Variants in C4BPA observed in about 807,000 individuals in gnomAD.
C4BPA encodes C4b-binding protein alpha chain.
A neutral mutation model predicts 63.7 loss-of-function variants in C4BPA; 31 were observed. The observed-to-expected ratio is 0.49, with a 90% CI of 0.37 to 0.66. C4BPA has a LOEUF of 0.66. C4BPA is among the 30% of genes least tolerant of loss of function. C4BPA has a pLI of 0.00. For synonymous variants in C4BPA, 259 were observed against 254.7 expected (o/e 1.02, Z -0.16); for missense variants, 572 against 723.3 (o/e 0.79, Z 2.40).
At chr1:207,114,476 A>T (rs1684739878) in intron 3 of C4BPA, among the ~76,000 whole-genome samples, 191 bp downstream of exon 3, 1 of 149,460 alleles carries the variant, frequency 6.7e-6, no homozygotes, top group Non-Finnish European at 1.5e-5. Flanking sequence ...ATTGAAAAAT[A>T]ACTCTGTTCT....
At chr1:207,133,844 T>C (rs1291267035) in intron 8 of C4BPA, among the ~76,000 whole-genome samples, 1 of 152,200 alleles carries the variant, frequency 6.6e-6, no homozygotes, top group Non-Finnish European at 1.5e-5. Flanking sequence ...TTCGTATGCT[T>C]TAGCTCTTAG....
chr1:207,131,636 T>C lies in C4BPA; in HGVS notation c.980T>C (p.Val327Ala), dbSNP rs1159213400. ...GAGGATGTGTATGTTGTTGGGACTG[T>C]GTTAAGGTACCGCTGTCATCCTGGC... ...TKEDVYVVGT[V>A]LRYRCHPGYK... The change falls in exon 8 of 12, where the codon GTG becomes GCG. Residue 327 changes from valine (V) to alanine (A), a missense_variant. Physicochemically the swap from Val to Ala is moderately conservative, Grantham distance 64 (BLOSUM62 0). Coordinates refer to ENST00000367070, the MANE Select transcript of C4BPA (RefSeq NM_000715.4). The C allele has an allele frequency of 6.2e-7, 1 of 1,613,598 alleles. No homozygotes were observed. Among genetic ancestry groups the C allele is most frequent in the Non-Finnish European group, 8.5e-7 (1 of 1,179,542 alleles).
At chr1:207,136,445 G>C (rs1159766482) in intron 9 of C4BPA, among the ~76,000 whole-genome samples, 1 of 152,118 alleles carries the variant, frequency 6.6e-6, no homozygotes, top group Non-Finnish European at 1.5e-5. Flanking sequence ...TCCTACCCCA[G>C]ATCTCTTTGT....
At chr1:207,134,103 C>T (rs1288514821) in intron 8 of C4BPA, among the ~76,000 whole-genome samples, 2 of 152,192 alleles carry the variant, frequency 1.3e-5, no homozygotes, top group Non-Finnish European at 2.9e-5. Context: ...CCATTTTGAA[C>T]TCCCAAAGCA....
At chr1:207,104,936 A>G (rs1233227795) in intron 1 of C4BPA, among the ~76,000 whole-genome samples, 1 of 152,212 alleles carries the variant, frequency 6.6e-6, no homozygotes, top group Non-Finnish European at 1.5e-5. Flanking sequence ...TAAGGAGGAC[A>G]CTGGCCAGCC....
intron 9 of C4BPA, among the ~76,000 whole-genome samples, chr1:207,138,520 A>C (rs1241320490): frequency 6.6e-6 from 1 of 152,102 alleles, no homozygotes; most frequent in African/African-American, 2.4e-5. Context: ...TCAGGATCTC[A>C]AGGATCTATG....
intron 9 of C4BPA, among the ~76,000 whole-genome samples, chr1:207,140,167 C>A (rs1171526431): frequency 3.9e-5 from 6 of 152,170 alleles, no homozygotes; most frequent in Non-Finnish European, 7.4e-5. Flanking sequence ...TCATTAATGA[C>A]CTTTTTTGTC....
chr1:207,132,498 T>C (rs1685182365), intron 8 of C4BPA, among the ~76,000 whole-genome samples: 1 of 152,218 alleles, frequency 6.6e-6, no homozygotes, highest in African/African-American at 2.4e-5. Flanking sequence ...TTCAACAATC[T>C]GTGAAATGCA....
At chr1:207,121,971 A>G (rs768586880) in intron 4 of C4BPA, among the ~76,000 whole-genome samples, 2 of 152,138 alleles carry the variant, frequency 1.3e-5, no homozygotes, top group Non-Finnish European at 2.9e-5. Flanking sequence ...TTTGCAAATG[A>G]TCAGGCAATA....
chr1:207,140,244 T>C (rs748437866), intron 9 of C4BPA, among the ~76,000 whole-genome samples: 2 of 152,232 alleles, frequency 1.3e-5, no homozygotes, highest in East Asian at 1.9e-4. Context: ...TGGTAAATAT[T>C]GTTCCCTCTA....
intron 9 of C4BPA, 40 bp downstream of exon 9, chr1:207,134,632 C>T: frequency 7.1e-7 from 1 of 1,409,856 alleles, no homozygotes; most frequent in Non-Finnish European, 9.9e-7. Context: ...GGAGTTTCTT[C>T]ATATCAGTGT....
intron 9 of C4BPA, among the ~76,000 whole-genome samples, chr1:207,137,970 G>T (rs1165699697): frequency 6.6e-6 from 1 of 152,140 alleles, no homozygotes; most frequent in African/African-American, 2.4e-5. Flanking sequence ...TGTTGGAGGG[G>T]TATAATGGGG....
intron 9 of C4BPA, among the ~76,000 whole-genome samples, chr1:207,139,486 T>C (rs1032515643): frequency 6.6e-6 from 1 of 152,100 alleles, no homozygotes; most frequent in African/African-American, 2.4e-5. Flanking sequence ...GTGAGATGGG[T>C]GGACAGTAGC....
At chr1:207,111,727 A>G (rs998617813) in intron 1 of C4BPA, among the ~76,000 whole-genome samples, 9 of 152,164 alleles carry the variant, frequency 5.9e-5, no homozygotes, top group African/African-American at 2.2e-4. Flanking sequence ...TGGGACTGAA[A>G]CATCTTGGGG....
At chr1:207,129,389 G>T (rs1242526890) in intron 7 of C4BPA, among the ~76,000 whole-genome samples, 1 of 139,330 alleles carries the variant, frequency 7.2e-6, no homozygotes, top group Non-Finnish European at 1.5e-5. Context: ...AGGAAAAATG[G>T]CTGAAAATAT....
At position 207,126,995 on chromosome 1, in the gene C4BPA, C is replaced by A; in HGVS notation, c.889+100C>A. On this transcript the variant is annotated intron_variant, in intron 7 of 11. Transcript: ENST00000367070. ...GCATGCATAGGCCTACTATGAATTA[C>A]AGTAAAAATTTACATCTAGATCAAT... 2 of 807,586 alleles carry A rather than the reference C, an allele frequency of 2.5e-6. 1 individual carries two copies. The highest frequency in any genetic ancestry group is 4.3e-5 in the South Asian group (2 of 46,470). The allele number at this position is 807,586 out of a possible 1,614,324, so 50.0% of individuals were successfully genotyped here. A position where few individuals can be genotyped will look rare whatever the true frequency, so the allele number is the denominator to read the frequency against.
intron 8 of C4BPA, among the ~76,000 whole-genome samples, chr1:207,133,704 A>G (rs1265423229): frequency 1.3e-5 from 2 of 152,198 alleles, no homozygotes; most frequent in African/African-American, 4.8e-5. Context: ...TTGAGACTGT[A>G]GTGAGCCATA....
intron 1 of C4BPA, among the ~76,000 whole-genome samples, chr1:207,109,362 T>C (rs1308559366): frequency 1.3e-5 from 2 of 152,256 alleles, no homozygotes; most frequent in African/African-American, 2.4e-5. Flanking sequence ...GCCAATTCTA[T>C]GAAACTCTTC....
chr1:207,130,092 T>C (rs1685129197), intron 7 of C4BPA, among the ~76,000 whole-genome samples: 1 of 152,212 alleles, frequency 6.6e-6, no homozygotes, highest in South Asian at 2.1e-4. Context: ...AGTAGTAATA[T>C]ATATTATACT....
Sources: allele counts gnomAD v4.1 joint callset (sites outside exome capture counted in the v4.1 genomes callset), GRCh38; gene constraint gnomAD v4.1.1; transcripts MANE v1.5; gene names NCBI Gene and HGNC (gene_info 2026-07-23, HGNC 2026-07-21).